Variants in NAALADL2 observed in about 807,000 individuals in gnomAD.
NAALADL2 encodes inactive N-acetylated-alpha-linked acidic dipeptidase-like protein 2.
In NAALADL2, 76 loss-of-function variants were observed where a neutral mutation model predicts 87.2. The observed-to-expected ratio is 0.87, with a 90% CI of 0.72 to 1.05. NAALADL2 has a LOEUF of 1.05. Among genes scored for constraint, NAALADL2 ranks in the 50% least tolerant of loss-of-function variants. The pLI, the probability that NAALADL2 is intolerant of heterozygous loss-of-function variation, is 0.00. For missense variants in NAALADL2, 1,089 were observed against 945.8 expected, an observed-to-expected ratio of 1.15 and a Z score of -1.99; for synonymous variants, 354 against 331.0, an observed-to-expected ratio of 1.07 and a Z score of -0.75.
intron 1 of NAALADL2, among the ~76,000 whole-genome samples, chr3:175,086,342 A>G (rs1331153799): frequency 1.3e-5 from 2 of 152,156 alleles, no homozygotes; most frequent in Non-Finnish European, 2.9e-5. Context: ...TAGAAAGGTA[A>G]AAATGAAATA....
intron 9 of NAALADL2, among the ~76,000 whole-genome samples, chr3:175,557,747 A>T (rs114030908): frequency 6.6e-6 from 1 of 152,102 alleles, no homozygotes; most frequent in Non-Finnish European, 1.5e-5. Flanking sequence ...CTTCCTTGCC[A>T]GCATTTGTTT....
At chr3:175,349,179 A>G (rs1763469386) in intron 5 of NAALADL2, among the ~76,000 whole-genome samples, 1 of 150,302 alleles carries the variant, frequency 6.7e-6, no homozygotes, top group African/African-American at 2.5e-5. Flanking sequence ...ACACAAATAA[A>G]CACATAATTC....
intron 5 of NAALADL2, among the ~76,000 whole-genome samples, chr3:175,342,402 C>G (rs977444161): frequency 6.6e-6 from 1 of 151,952 alleles, no homozygotes; most frequent in Non-Finnish European, 1.5e-5. Context: ...GATCCTTAGG[C>G]AGCATTTTAA....
At chr3:174,906,194 CAAG>C (rs1470707172) in intron 1 of NAALADL2, among the ~76,000 whole-genome samples, 5 of 151,960 alleles carry the variant, frequency 3.3e-5, no homozygotes, top group Non-Finnish European at 5.9e-5. Context: ...ATAAAAGAAA[CAAG>C]AAGGTTTCTT....
chr3:175,395,498 C>T (rs1769660039), intron 5 of NAALADL2, among the ~76,000 whole-genome samples: 1 of 152,072 alleles, frequency 6.6e-6, no homozygotes, highest in Admixed American at 6.6e-5. Context: ...TTGAAATAGA[C>T]TAATGGATTG....
chr3:175,177,185 C>T (rs1009222748), intron 2 of NAALADL2, among the ~76,000 whole-genome samples: 4 of 152,068 alleles, frequency 2.6e-5, no homozygotes, highest in Non-Finnish European at 4.4e-5. Flanking sequence ...GTCTAATTTT[C>T]CCTAATACCT....
intron 11 of NAALADL2, among the ~76,000 whole-genome samples, chr3:175,648,689 G>A (rs1310269343): frequency 6.6e-6 from 1 of 152,064 alleles, no homozygotes; most frequent in East Asian, 1.9e-4. Flanking sequence ...GTGTACTCCA[G>A]AGAACTTTCG....
chr3:174,586,809 T>G (rs1515598), intron 2 of NAALADL2, among the ~76,000 whole-genome samples: 1 of 151,942 alleles, frequency 6.6e-6, no homozygotes, highest in Non-Finnish European at 1.5e-5. Context: ...ATCTACTATA[T>G]AAAAAGGTAT....
intron 2 of NAALADL2, among the ~76,000 whole-genome samples, chr3:174,651,928 C>T (rs188130317): frequency 1.3e-5 from 2 of 152,014 alleles, no homozygotes; most frequent in Non-Finnish European, 2.9e-5. Flanking sequence ...CCATGTAATC[C>T]ACCACCCAAA....
intron 1 of NAALADL2, among the ~76,000 whole-genome samples, chr3:174,945,124 T>G (rs1451958498): frequency 6.6e-6 from 1 of 152,180 alleles, no homozygotes; most frequent in Non-Finnish European, 1.5e-5. Context: ...TTACAAACAA[T>G]AGGTGTAAAT....
intron 1 of NAALADL2, among the ~76,000 whole-genome samples, chr3:174,876,374 TC>T: frequency 6.6e-6 from 1 of 152,294 alleles, no homozygotes; most frequent in East Asian, 1.9e-4. Flanking sequence ...TGGCTAACCA[TC>T]CTCTAGCTCT....
rs912193111 is a variant in NAALADL2, at chr3:175,512,530, G to T, written c.1653+40772G>T. On this transcript the variant is annotated intron_variant, in intron 9 of 13. Transcript: ENST00000454872. ...CTTAAAAACTATATCCAACTTTATTGGTACTTTATAGAAAGAAAGAAATGA... is the reference window on the plus strand; with the variant it reads ...CTTAAAAACTATATCCAACTTTATTTGTACTTTATAGAAAGAAAGAAATGA... Among the ~76,000 whole-genome samples, 5 of 152,154 alleles carry T rather than the reference G, an allele frequency of 3.3e-5. No homozygotes were observed. In the East Asian group the frequency reaches 7.7e-4, roughly 24 times the overall value.
intron 2 of NAALADL2, among the ~76,000 whole-genome samples, chr3:174,577,845 A>G (rs1715706097): frequency 6.6e-6 from 1 of 152,094 alleles, no homozygotes; most frequent in Non-Finnish European, 1.5e-5. Flanking sequence ...TGACAAGAAC[A>G]TTAATACAGT....
At chr3:174,777,506 A>G (rs1372527967) in intron 3 of NAALADL2, among the ~76,000 whole-genome samples, 1 of 152,106 alleles carries the variant, frequency 6.6e-6, no homozygotes, top group East Asian at 1.9e-4. Flanking sequence ...AGGCCTTGCT[A>G]CAATTTTTAC....
chr3:174,521,959 C>T (rs993648927), intron 1 of NAALADL2, among the ~76,000 whole-genome samples: 12 of 152,000 alleles, frequency 7.9e-5, no homozygotes, highest in African/African-American at 2.9e-4. Context: ...AATAGCCAGG[C>T]GTGGTGGCAT....
intron 5 of NAALADL2, among the ~76,000 whole-genome samples, chr3:175,329,169 A>T (rs1361023289): frequency 6.6e-6 from 1 of 152,144 alleles, no homozygotes; most frequent in Non-Finnish European, 1.5e-5. Flanking sequence ...CATTTTCAGA[A>T]ATCCATCCTG....
At chr3:175,090,708 C>T (rs1719936256) in intron 1 of NAALADL2, among the ~76,000 whole-genome samples, 1 of 151,980 alleles carries the variant, frequency 6.6e-6, no homozygotes. Context: ...TTTATGCTAT[C>T]CAACTTGATT....
intron 13 of NAALADL2, among the ~76,000 whole-genome samples, chr3:175,759,629 T>C (rs1012206969): frequency 7.9e-5 from 12 of 152,328 alleles, no homozygotes; most frequent in African/African-American, 2.9e-4. Flanking sequence ...GTGCTGGGAT[T>C]ACAGGCGTGA....
chr3:175,320,433 C>A lies in NAALADL2; in HGVS notation c.940-3742C>A, dbSNP rs113743228. ...CAAGGGTTGATCTTTCAGAAGGAGA[C>A]CCCCATAAGGTTACGTGTAAATTCC... On this transcript the variant is annotated intron_variant, in intron 4 of 13. Coordinates refer to ENST00000454872, the MANE Select transcript of NAALADL2 (RefSeq NM_207015.3). Among the ~76,000 whole-genome samples, 265 of 152,178 alleles carry A rather than the reference C, an allele frequency of 1.7e-3. 2 individuals carry two copies. Among genetic ancestry groups the A allele is most frequent in the South Asian group, 4.4e-3 (21 of 4,816 alleles).
Sources: gnomAD v4.1 joint callset for allele counts (sites outside exome capture counted in the v4.1 genomes callset) on GRCh38, gnomAD v4.1.1 for gene constraint, MANE v1.5 for transcripts, NCBI Gene and HGNC (gene_info 2026-07-23, HGNC 2026-07-21) for gene names.